Variants in DPP6 observed in about 807,000 individuals in gnomAD.
DPP6 encodes the protein A-type potassium channel modulatory protein DPP6.
In DPP6, 69 loss-of-function variants were observed where a neutral mutation model predicts 122.6. The observed-to-expected ratio is 0.56, with a 90% CI of 0.46 to 0.69. The LOEUF is 0.69. Ranked by LOEUF, DPP6 falls within the 30% of genes least tolerant of loss-of-function variation. The probability of loss-of-function intolerance (pLI) is 0.00; values close to 1 mark genes in which losing one functional copy is unlikely to be tolerated. For synonymous variants in DPP6, 418 were observed against 433.1 expected (o/e 0.97, Z 0.43); for missense variants, 928 against 1,116.9 (o/e 0.83, Z 2.41).
At chr7:154,073,387 C>G (rs866600130) in intron 1 of DPP6, among the ~76,000 whole-genome samples, 3 of 152,256 alleles carry the variant, frequency 2.0e-5, no homozygotes, top group Non-Finnish European at 4.4e-5. Context: ...TCCAAGCCTG[C>G]GCTTCCTCCT....
rs1804789645 is a variant in DPP6 at position 154,875,720 on chromosome 7, C to CT, written c.1884-183dup. Among the ~76,000 whole-genome samples, 1 of 152,154 alleles carries CT rather than the reference C, an allele frequency of 6.6e-6. No individual in the cohort carries two copies. The highest frequency in any genetic ancestry group is 6.5e-5 in the Admixed American group (1 of 15,274). On this transcript the variant is annotated intron_variant, in intron 19 of 25. Transcript: ENST00000377770. This position sits in a 1 kb window ranked among gnomAD's most constrained non-coding sequence, Gnocchi z 4.5. Reference sequence around the variant, plus strand: ...CTTGGAGGTCTCCTCTTCCTCCTCACTTTATGGGGTGTGGATAACACCTGG... The same window carrying CT: ...CTTGGAGGTCTCCTCTTCCTCCTCACTTTTATGGGGTGTGGATAACACCTGG...
intron 1 of DPP6, among the ~76,000 whole-genome samples, chr7:154,445,959 A>G (rs946068021): frequency 2.0e-5 from 3 of 152,248 alleles, no homozygotes; most frequent in African/African-American, 7.2e-5. Flanking sequence ...AGCTGCAAAC[A>G]TAATAATATC....
intron 7 of DPP6, among the ~76,000 whole-genome samples, chr7:154,689,423 G>A (rs976155273): frequency 2.6e-5 from 4 of 152,174 alleles, no homozygotes; most frequent in Non-Finnish European, 4.4e-5. Context: ...TGAATCTATT[G>A]AAATGATCAT....
intron 10 of DPP6, among the ~76,000 whole-genome samples, chr7:154,786,497 T>A (rs1282604473): frequency 6.6e-6 from 1 of 152,178 alleles, no homozygotes; most frequent in Middle Eastern, 3.2e-3. Flanking sequence ...GAATGAGTGC[T>A]CATTTGATCT....
Position 154,395,944 on chromosome 7 carries a change from G to C in DPP6, c.244-50270G>C, listed in dbSNP as rs945132773. 4.2e-5 allele frequency among the ~76,000 whole-genome samples: 3 copies of C among 71,594 alleles called. No homozygotes were observed. In the Admixed American group the frequency reaches 6.4e-4, roughly 15 times the overall value. 47.0% of individuals were successfully genotyped at this position (71,594 alleles called of 152,430 possible). Reference sequence around the variant, plus strand: ...AGTTCTCTTCTATTTCTAATTTCTTGAGTTTTTTTTTTTTTTAATCATAAA... The same window carrying C: ...AGTTCTCTTCTATTTCTAATTTCTTCAGTTTTTTTTTTTTTTAATCATAAA... On this transcript the variant is annotated intron_variant, in intron 1 of 25. Coordinates refer to ENST00000377770, the MANE Select transcript of DPP6 (RefSeq NM_130797.4).
intron 1 of DPP6, among the ~76,000 whole-genome samples, chr7:153,994,947 G>T (rs969083559): frequency 5.3e-5 from 8 of 152,166 alleles, no homozygotes; most frequent in Non-Finnish European, 1.2e-4. Flanking sequence ...GCATTAGACT[G>T]CTTTATTTAC....
At chr7:154,806,637 G>C (rs1354736252) in intron 15 of DPP6, among the ~76,000 whole-genome samples, 3 of 152,198 alleles carry the variant, frequency 2.0e-5, no homozygotes, top group Admixed American at 6.5e-5. Flanking sequence ...CACTCAGAGG[G>C]ACAGGACACG....
chr7:154,583,613 A>G (rs1035133441), intron 5 of DPP6, among the ~76,000 whole-genome samples: 6 of 152,202 alleles, frequency 3.9e-5, no homozygotes, highest in African/African-American at 1.4e-4. Context: ...CTCCCCAGGA[A>G]GCCTGTTAGA....
chr7:154,324,493 G>T (rs562954827), intron 1 of DPP6, among the ~76,000 whole-genome samples: 1 of 152,044 alleles, frequency 6.6e-6, no homozygotes, highest in East Asian at 1.9e-4. Flanking sequence ...CTCTTACCAC[G>T]GGGTGACCCC....
intron 1 of DPP6, among the ~76,000 whole-genome samples, chr7:154,345,939 T>C (rs942203432): frequency 6.6e-6 from 1 of 152,208 alleles, no homozygotes; most frequent in Non-Finnish European, 1.5e-5. Context: ...CAGAAAACTT[T>C]CTGTCAGTCA....
rs372679897 is a variant in DPP6, at chr7:154,437,381, C to G, written c.244-8833C>G. Reference sequence around the variant, plus strand: ...GTGAAGACCTCAGGAAGAGCCCATCCTCTTTGAGACCCGTGAACATTCTGC... The same window carrying G: ...GTGAAGACCTCAGGAAGAGCCCATCGTCTTTGAGACCCGTGAACATTCTGC... On this transcript the variant is annotated intron_variant, in intron 1 of 25. Transcript: ENST00000377770. Among the ~76,000 whole-genome samples the G allele has an allele frequency of 3.9e-5, 6 of 152,170 alleles. No homozygotes were observed. In the South Asian group the frequency reaches 1.2e-3, roughly 31 times the overall value.
chr7:153,899,794 A>G (rs1799564615), intron 1 of DPP6, among the ~76,000 whole-genome samples: 4 of 152,232 alleles, frequency 2.6e-5, no homozygotes, highest in Admixed American at 2.6e-4. Context: ...ATGTGTGTGC[A>G]CAGGCAGGTG....
Position 154,060,123 on chromosome 7 carries a change from C to G in DPP6, c.243+7060C>G, listed in dbSNP as rs1375218354. Among the ~76,000 whole-genome samples the G allele has an allele frequency of 3.8e-4, 54 of 143,648 alleles. 1 individual carries two copies. Among genetic ancestry groups the G allele is most frequent in the African/African-American group, 1.2e-3 (47 of 38,068 alleles). 94.2% of individuals were successfully genotyped at this position (143,648 alleles called of 152,430 possible). ...AGGCAATCCTCCCGAGGCGGGACTGCAAACCTCCACCTTTCCTCCCCTGGC... is the reference window on the plus strand; with the variant it reads ...AGGCAATCCTCCCGAGGCGGGACTGGAAACCTCCACCTTTCCTCCCCTGGC... On this transcript the variant is annotated intron_variant, in intron 1 of 25. Coordinates refer to ENST00000377770, the MANE Select transcript of DPP6 (RefSeq NM_130797.4).
intron 1 of DPP6, among the ~76,000 whole-genome samples, chr7:153,891,318 G>T (rs1024895588): frequency 3.3e-5 from 5 of 151,984 alleles, no homozygotes; most frequent in African/African-American, 1.2e-4. Flanking sequence ...CACCTTGCCT[G>T]GCCCCTAGAA....
In DPP6 at chr7:154,697,211, C is replaced by T. The variant is rs546904186; in HGVS notation, c.762+27770C>T. ...ATCATTCAAGGTGTCCCGTCATGTTCCTGGCAGAGTTGGCTTCATATCCAA... is the reference window on the plus strand; with the variant it reads ...ATCATTCAAGGTGTCCCGTCATGTTTCTGGCAGAGTTGGCTTCATATCCAA... On this transcript the variant is annotated intron_variant, in intron 7 of 25. Transcript: ENST00000377770. 5.3e-5 allele frequency among the ~76,000 whole-genome samples: 8 copies of T among 152,318 alleles called. No individual in the cohort carries two copies. In the East Asian group the frequency reaches 1.5e-3, roughly 29 times the overall value.
intron 1 of DPP6, among the ~76,000 whole-genome samples, chr7:154,128,088 G>A (rs1808069132): frequency 6.7e-6 from 1 of 149,596 alleles, no homozygotes; most frequent in South Asian, 2.2e-4. Context: ...CATCTCTGAG[G>A]TTTACCTTAC....
chr7:154,891,415 A>G (rs762680358), intron 25 of DPP6, among the ~76,000 whole-genome samples: 3 of 152,102 alleles, frequency 2.0e-5, no homozygotes, highest in Non-Finnish European at 4.4e-5. Flanking sequence ...GCACGGCTAT[A>G]AGATTGTTTA....
At chr7:153,897,646 C>T (rs1423819129) in intron 1 of DPP6, among the ~76,000 whole-genome samples, 1 of 152,170 alleles carries the variant, frequency 6.6e-6, no homozygotes, top group Non-Finnish European at 1.5e-5. Context: ...GTCTCTATTT[C>T]TTTCAACTTA....
At chr7:154,368,834 T>C (rs1304688642) in intron 1 of DPP6, among the ~76,000 whole-genome samples, 1 of 152,234 alleles carries the variant, frequency 6.6e-6, no homozygotes, top group Non-Finnish European at 1.5e-5. Flanking sequence ...CAGATTTGCT[T>C]CAGCTTCAAA....
Sources: allele counts gnomAD v4.1 joint callset (sites outside exome capture counted in the v4.1 genomes callset), GRCh38; gene constraint gnomAD v4.1.1; non-coding constraint Gnocchi (gnomAD v3.1); transcripts MANE v1.5; gene names NCBI Gene and HGNC (gene_info 2026-07-23, HGNC 2026-07-21).